Variants in DLGAP1 observed in about 807,000 individuals in gnomAD.
DLGAP1 encodes disks large-associated protein 1.
In DLGAP1, 11 loss-of-function variants were observed where a neutral mutation model predicts 90.8. That is an observed-to-expected ratio of 0.12 (90% CI 0.08 to 0.20). DLGAP1 has a LOEUF of 0.20. Among genes scored for constraint, DLGAP1 ranks in the 10% least tolerant of loss-of-function variants. The pLI, the probability that DLGAP1 is intolerant of heterozygous loss-of-function variation, is 1.00. For synonymous variants in DLGAP1, 558 were observed against 540.7 expected (o/e 1.03, Z -0.44); for missense variants, 1,050 against 1,333.8 (o/e 0.79, Z 3.31).
At chr18:3,958,445 G>A (rs1341525317) in intron 3 of DLGAP1, among the ~76,000 whole-genome samples, 1 of 123,622 alleles carries the variant, frequency 8.1e-6, no homozygotes, top group Non-Finnish European at 1.6e-5. Flanking sequence ...AAGAGAGATT[G>A]CAAATTAGGA....
chr18:3,888,545 T>C (rs936460239), intron 3 of DLGAP1, among the ~76,000 whole-genome samples: 2 of 151,492 alleles, frequency 1.3e-5, no homozygotes, highest in Non-Finnish European at 2.9e-5. Flanking sequence ...TCAAAAGATA[T>C]GGTATTGTTA....
intron 7 of DLGAP1, among the ~76,000 whole-genome samples, chr18:3,629,781 T>C (rs2058457172): frequency 6.6e-6 from 1 of 152,230 alleles, no homozygotes; most frequent in African/African-American, 2.4e-5. Context: ...TTTACTTATT[T>C]TGGATTCCTA....
At chr18:4,010,122 A>G (rs927997381) in intron 2 of DLGAP1, among the ~76,000 whole-genome samples, 4 of 152,196 alleles carry the variant, frequency 2.6e-5, no homozygotes, top group Non-Finnish European at 4.4e-5. Context: ...CATTTCTCTA[A>G]ATATTCCATT....
chr18:4,332,883 A>C (rs1197489595), intron 1 of DLGAP1, among the ~76,000 whole-genome samples: 1 of 151,912 alleles, frequency 6.6e-6, no homozygotes. Context: ...ACCTGTATTT[A>C]CCCAAATTCT....
chr18:4,085,188 C>T (rs911719916), intron 2 of DLGAP1, among the ~76,000 whole-genome samples: 8 of 152,104 alleles, frequency 5.3e-5, no homozygotes, highest in Non-Finnish European at 1.0e-4. Flanking sequence ...ATACTATTTG[C>T]AGAATCTAAT....
At chr18:4,326,580 C>T (rs984799190) in intron 1 of DLGAP1, among the ~76,000 whole-genome samples, 2 of 151,920 alleles carry the variant, frequency 1.3e-5, no homozygotes, top group African/African-American at 4.8e-5. Context: ...AGCAAAGGCA[C>T]GGAATCAAAC....
chr18:4,344,952 G>C (rs2081274683), intron 1 of DLGAP1, among the ~76,000 whole-genome samples: 1 of 152,122 alleles, frequency 6.6e-6, no homozygotes, highest in South Asian at 2.1e-4. Context: ...AAGAGACCTA[G>C]TCCTCCATGT....
chr18:3,525,085 T>TG (rs1054382102), intron 10 of DLGAP1, among the ~76,000 whole-genome samples: 2 of 138,066 alleles, frequency 1.4e-5, no homozygotes, highest in African/African-American at 5.8e-5. Flanking sequence ...CACAGTGTTC[T>TG]GGGGGAAAAA....
rs114628284 is a variant in DLGAP1, at chr18:4,256,226, A to C, written c.-266-104939T>G. Among the ~76,000 whole-genome samples the C allele has an allele frequency of 5.0e-3, 768 of 152,188 alleles. 10 individuals are homozygous for C. The highest frequency in any genetic ancestry group is 0.017 in the African/African-American group (708 of 41,510). ...AAAATGAGATGCCATCTCTACAACAAACACACACACAAACAAACAAAACAT... is the reference window on the plus strand; with the variant it reads ...AAAATGAGATGCCATCTCTACAACACACACACACACAAACAAACAAAACAT... On this transcript the variant is annotated intron_variant, in intron 1 of 12. Coordinates refer to ENST00000315677, the MANE Select transcript of DLGAP1 (RefSeq NM_004746.4).
intron 3 of DLGAP1, among the ~76,000 whole-genome samples, chr18:3,951,315 C>G (rs1258199070): frequency 6.6e-6 from 1 of 152,160 alleles, no homozygotes; most frequent in Non-Finnish European, 1.5e-5. Context: ...AAGGAATCTT[C>G]TAATATATTT....
intron 4 of DLGAP1, among the ~76,000 whole-genome samples, chr18:3,841,607 C>T (rs984831567): frequency 6.6e-6 from 1 of 152,188 alleles, no homozygotes; most frequent in African/African-American, 2.4e-5. Flanking sequence ...TTAATATCAG[C>T]ATCATACATG....
chr18:3,960,739 G>A (rs1337359182), intron 3 of DLGAP1, among the ~76,000 whole-genome samples: 1 of 152,210 alleles, frequency 6.6e-6, no homozygotes, highest in Non-Finnish European at 1.5e-5. Flanking sequence ...ACCACTGTGA[G>A]GTTCAGTCCT....
chr18:3,617,444 TA>T (rs796401102), intron 7 of DLGAP1, among the ~76,000 whole-genome samples: 2 of 150,374 alleles, frequency 1.3e-5, no homozygotes, highest in South Asian at 2.1e-4. Flanking sequence ...AGTAAAAATA[TA>T]AAAAATTAGC....
chr18:3,944,226 G>A (rs575614867), intron 3 of DLGAP1, among the ~76,000 whole-genome samples: 2 of 152,330 alleles, frequency 1.3e-5, no homozygotes, highest in South Asian at 2.1e-4. Context: ...GGCTGGATGC[G>A]CTGGCTCACG....
At chr18:3,912,204 T>C (rs1348985319) in intron 3 of DLGAP1, among the ~76,000 whole-genome samples, 1 of 152,238 alleles carries the variant, frequency 6.6e-6, no homozygotes, top group East Asian at 1.9e-4. Context: ...AGATTTCTTG[T>C]GCTCCCAACA....
chr18:4,150,182 C>T (rs1342853210), intron 2 of DLGAP1, among the ~76,000 whole-genome samples: 1 of 152,140 alleles, frequency 6.6e-6, no homozygotes, highest in Non-Finnish European at 1.5e-5. Flanking sequence ...ATTGCCATAC[C>T]CAAGTCACTG....
chr18:3,873,880 A>C (rs1349184883), intron 4 of DLGAP1, among the ~76,000 whole-genome samples: 2 of 152,126 alleles, frequency 1.3e-5, no homozygotes, highest in Non-Finnish European at 2.9e-5. Flanking sequence ...AATATCCTCT[A>C]AGAGCACCTA....
chr18:3,911,446 C>T (rs1311026910), intron 3 of DLGAP1, among the ~76,000 whole-genome samples: 1 of 152,136 alleles, frequency 6.6e-6, no homozygotes, highest in Non-Finnish European at 1.5e-5. Context: ...TTGGAACTTT[C>T]ATTTTATATG....
chr18:4,193,535 A>AATCTAC (rs1205913359), intron 1 of DLGAP1, among the ~76,000 whole-genome samples: 8 of 152,192 alleles, frequency 5.3e-5, no homozygotes, highest in Non-Finnish European at 1.0e-4. Context: ...TCCATCCTGG[A>AATCTAC]ATCTACAAAA....
Sources: gnomAD v4.1 joint callset for allele counts (sites outside exome capture counted in the v4.1 genomes callset) on GRCh38, gnomAD v4.1.1 for gene constraint, MANE v1.5 for transcripts, NCBI Gene and HGNC (gene_info 2026-07-23, HGNC 2026-07-21) for gene names.